Variants in ANK2 observed in about 807,000 individuals in gnomAD.
ANK2 encodes the protein ankyrin 2.
A neutral mutation model predicts 360.5 loss-of-function variants in ANK2; 83 were observed. The observed-to-expected ratio is 0.23, with a 90% CI of 0.19 to 0.28. The LOEUF (loss-of-function observed/expected upper bound fraction) is 0.28, where lower values mean the gene tolerates loss of function less well. Ranked by LOEUF, ANK2 falls within the 10% of genes least tolerant of loss-of-function variation. ANK2 has a pLI of 1.00. For missense variants in ANK2, 4,201 were observed against 4,795.7 expected (o/e 0.88, Z 3.66); for synonymous variants, 1,740 against 1,759.5 (o/e 0.99, Z 0.28).
At chr4:113,097,254 A>C (rs980582348) in intron 1 of ANK2, among the ~76,000 whole-genome samples, 22 of 151,578 alleles carry the variant, frequency 1.5e-4, no homozygotes, top group Non-Finnish European at 2.8e-4. Flanking sequence ...TATTCCCACA[A>C]AAAGGTATAG....
At chr4:112,998,599 G>A (rs549333089) in intron 2 of ANK2, among the ~76,000 whole-genome samples, 204 of 152,238 alleles carry the variant, frequency 1.3e-3, no homozygotes, top group Non-Finnish European at 1.6e-3. Flanking sequence ...ATTGCATTAT[G>A]CAGAACTCTA....
At chr4:112,775,546 A>ACACACACACACACACACACACACAC in the ANK2 span, among the ~76,000 whole-genome samples, 22 of 8,764 alleles carry the variant, frequency 2.5e-3, no homozygotes, top group Non-Finnish European at 9.4e-3. Flanking sequence ...CACACACACA[A>ACACACACACACACACACACACACAC]GAAAAAAAAT....
In ANK2 at chr4:112,870,583, T is replaced by A. The variant is rs192636276; in HGVS notation, c.-39-33872T>A. 2.5e-4 allele frequency among the ~76,000 whole-genome samples: 38 copies of A among 152,356 alleles called. No homozygotes were observed. In the East Asian group the frequency reaches 7.3e-3, roughly 29 times the overall value. On this transcript the variant is annotated intron_variant, in intron 1 of 30. Coordinates refer to the ANK2 transcript ENST00000503271. The stretch of plus-strand genomic sequence containing the variant: ...AAGATTGTATTTACCCAGTGAATGC[T>A]CTTGAAATTTTTTATTGAAAATCAA...
chr4:113,192,358 C>T (rs1380088040), intron 2 of ANK2, among the ~76,000 whole-genome samples: 1 of 144,492 alleles, frequency 6.9e-6, no homozygotes, highest in Non-Finnish European at 1.5e-5. Context: ...TGCACACACA[C>T]ACAGACGTGT....
In ANK2 at chr4:112,839,993, T is replaced by C. The variant is rs1277346372; in HGVS notation, c.-40+21729T>C. Among the ~76,000 whole-genome samples, 5 of 152,214 alleles carry C rather than the reference T, an allele frequency of 3.3e-5. No homozygotes were observed. In the East Asian group the frequency reaches 7.7e-4, roughly 23 times the overall value. On this transcript the variant is annotated intron_variant, in intron 1 of 30. Transcript: ENST00000503271. ...TGGCCTATTGTTTCCATTCATTCGA[T>C]AATAATTGTGATTCATTTGATAATA... is the stretch of plus-strand genomic sequence containing the variant.
chr4:113,282,651 G>A (rs938106155), intron 17 of ANK2, 24 bp from the exon 18 acceptor site: 2 of 1,566,290 alleles, frequency 1.3e-6, no homozygotes, highest in Non-Finnish European at 1.8e-6. Flanking sequence ...CTATATGCAT[G>A]TGTTTTATTT....
At chr4:112,899,697 A>G (rs966621345) in intron 1 of ANK2, among the ~76,000 whole-genome samples, 2 of 152,142 alleles carry the variant, frequency 1.3e-5, no homozygotes, top group African/African-American at 4.8e-5. Context: ...CTTTTCATCA[A>G]TCCATCCCTG....
chr4:112,851,414 G>A (rs371452449), intron 1 of ANK2, among the ~76,000 whole-genome samples: 2 of 152,180 alleles, frequency 1.3e-5, no homozygotes, highest in African/African-American at 2.4e-5. Context: ...CCACATGGAG[G>A]AAACTTTGGG....
intron 3 of ANK2, among the ~76,000 whole-genome samples, chr4:113,197,577 A>G (rs2153397407): frequency 6.6e-6 from 1 of 152,278 alleles, no homozygotes; most frequent in South Asian, 2.1e-4. Context: ...AATCTGGAGT[A>G]AACAAACAAA....
chr4:112,775,225 T>C, the ANK2 span, among the ~76,000 whole-genome samples: 1 of 152,068 alleles, frequency 6.6e-6, no homozygotes, highest in Admixed American at 6.6e-5. Flanking sequence ...AAATGGATAA[T>C]TCCTAAGATT....
chr4:113,053,533 A>G (rs778307549), intron 1 of ANK2, among the ~76,000 whole-genome samples: 4 of 152,188 alleles, frequency 2.6e-5, no homozygotes, highest in African/African-American at 7.2e-5. Context: ...ATTGGTAGCT[A>G]TGTGAAATGT....
chr4:112,997,721 G>C (rs1441734919), intron 2 of ANK2, among the ~76,000 whole-genome samples: 1 of 150,914 alleles, frequency 6.6e-6, no homozygotes, highest in Non-Finnish European at 1.5e-5. Context: ...ATTGTATGTG[G>C]TATACAACAT....
the ANK2 span, among the ~76,000 whole-genome samples, chr4:112,720,308 T>A: frequency 1.3e-5 from 2 of 152,202 alleles, no homozygotes; most frequent in African/African-American, 4.8e-5. Flanking sequence ...TCTTCCTTTA[T>A]GTCTTGTGGG....
chr4:112,887,167 G>A (rs551217923), intron 1 of ANK2, among the ~76,000 whole-genome samples: 1 of 152,102 alleles, frequency 6.6e-6, no homozygotes, highest in African/African-American at 2.4e-5. Flanking sequence ...CTGAGGCCAA[G>A]GATTTGTATT....
intron 1 of ANK2, among the ~76,000 whole-genome samples, chr4:113,096,509 T>C (rs112558214): frequency 0.01 from 1,572 of 152,266 alleles, 29 homozygotes; most frequent in African/African-American, 0.035. Context: ...GTAACCATCA[T>C]GTCCAGCAGA....
At chr4:113,210,409 C>T (rs531191011) in intron 4 of ANK2, among the ~76,000 whole-genome samples, 8 of 152,178 alleles carry the variant, frequency 5.3e-5, no homozygotes, top group African/African-American at 1.9e-4. Flanking sequence ...ACTTTGGGTC[C>T]TTAGTATAAA....
chr4:113,000,385 G>A (rs967500079), intron 2 of ANK2, among the ~76,000 whole-genome samples: 6 of 152,128 alleles, frequency 3.9e-5, no homozygotes, highest in African/African-American at 1.4e-4. Flanking sequence ...GGGCAAGGGT[G>A]GGCAGAGAAC....
chr4:112,901,724 G>A (rs1486407559), intron 1 of ANK2, among the ~76,000 whole-genome samples: 1 of 151,866 alleles, frequency 6.6e-6, no homozygotes, highest in African/African-American at 2.4e-5. Flanking sequence ...AGCCGGGCAC[G>A]GTGGCACGTG....
the ANK2 span, among the ~76,000 whole-genome samples, chr4:112,780,854 G>A: frequency 2.0e-5 from 3 of 152,166 alleles, no homozygotes; most frequent in African/African-American, 7.2e-5. Context: ...CCCTTGACAT[G>A]TGGGGATTAT....
Sources: gnomAD v4.1 joint callset for allele counts (sites outside exome capture counted in the v4.1 genomes callset) on GRCh38, gnomAD v4.1.1 for gene constraint, MANE v1.5 for transcripts, NCBI Gene and HGNC (gene_info 2026-07-23, HGNC 2026-07-21) for gene names.